The following PPFIA1 variants were observed in gnomAD, a reference collection of about 807,000 sequenced individuals.
PPFIA1 encodes the protein liprin-alpha-1.
Under a neutral mutation model 149.9 loss-of-function variants are expected in PPFIA1, and 25 were observed. That is an observed-to-expected ratio of 0.17 (90% CI 0.12 to 0.23). The LOEUF (loss-of-function observed/expected upper bound fraction) is 0.23. Among genes scored for constraint, PPFIA1 ranks in the 10% least tolerant of loss-of-function variants. The pLI, the probability that PPFIA1 is intolerant of heterozygous loss-of-function variation, is 1.00. For missense variants in PPFIA1, 1,362 were observed against 1,506.5 expected (o/e 0.90, Z 1.59); for synonymous variants, 549 against 552.8 (o/e 0.99, Z 0.10).
intron 26 of PPFIA1, among the ~76,000 whole-genome samples, chr11:70,380,276 C>CA (rs2057655928): frequency 7.5e-6 from 1 of 133,618 alleles, no homozygotes. Context: ...AGTAAAAATA[C>CA]AAAAAAATCG....
intron 2 of PPFIA1, among the ~76,000 whole-genome samples, chr11:70,291,837 A>ATTTT (rs398016576): frequency 2.5e-5 from 3 of 119,636 alleles, no homozygotes; most frequent in Non-Finnish European, 3.3e-5. Context: ...CGCCTGGCTA[A>ATTTT]TTTTTTTTTT....
intron 8 of PPFIA1, among the ~76,000 whole-genome samples, chr11:70,330,715 G>C (rs965673535): frequency 6.6e-6 from 1 of 152,152 alleles, no homozygotes; most frequent in Non-Finnish European, 1.5e-5. Flanking sequence ...CTAACACTTC[G>C]GGAGGCTGAG....
At chr11:70,316,520 T>C (rs2053636870) in intron 2 of PPFIA1, among the ~76,000 whole-genome samples, 1 of 152,206 alleles carries the variant, frequency 6.6e-6, no homozygotes, top group African/African-American at 2.4e-5. Flanking sequence ...GATGTGGAAT[T>C]GTAACATGGC....
At chr11:70,275,102 G>A (rs2050308411) in intron 2 of PPFIA1, among the ~76,000 whole-genome samples, 1 of 152,160 alleles carries the variant, frequency 6.6e-6, no homozygotes, top group South Asian at 2.1e-4. Context: ...TTCAGCACTT[G>A]GTATTGTTGG....
chr11:70,332,400 T>C (rs1226204907), intron 9 of PPFIA1, among the ~76,000 whole-genome samples: 1 of 152,138 alleles, frequency 6.6e-6, no homozygotes, highest in African/African-American at 2.4e-5. Context: ...GAAGTCTCTG[T>C]AAAAGAAGGG....
intron 2 of PPFIA1, among the ~76,000 whole-genome samples, chr11:70,303,873 G>T (rs1002597327): frequency 5.3e-5 from 8 of 152,228 alleles, no homozygotes; most frequent in African/African-American, 1.9e-4. Flanking sequence ...AGGCGTGGTG[G>T]TGTGTGCCTG....
chr11:70,272,863 A>G (rs2050173721), intron 2 of PPFIA1, among the ~76,000 whole-genome samples: 1 of 152,264 alleles, frequency 6.6e-6, no homozygotes, highest in Non-Finnish European at 1.5e-5. Flanking sequence ...TCACGGAAAA[A>G]AAAAATTATT....
chr11:70,272,773 G>A (rs1469496270), intron 2 of PPFIA1, among the ~76,000 whole-genome samples: 2 of 152,108 alleles, frequency 1.3e-5, no homozygotes, highest in Non-Finnish European at 2.9e-5. Flanking sequence ...AGCCTTTTCT[G>A]GCTAAACTTG....
intron 2 of PPFIA1, among the ~76,000 whole-genome samples, chr11:70,317,206 C>T: frequency 6.6e-6 from 1 of 151,940 alleles, no homozygotes; most frequent in African/African-American, 2.4e-5. Context: ...TTAGATTCCT[C>T]TGATGTAATA....
chr11:70,379,568 GAA>G (rs1037082933), intron 26 of PPFIA1, among the ~76,000 whole-genome samples: 2 of 151,500 alleles, frequency 1.3e-5, no homozygotes, highest in Non-Finnish European at 2.9e-5. Context: ...CACTTGAGCT[GAA>G]GTTTGAGACT....
At chr11:70,273,813 G>A (rs2050234802) in intron 2 of PPFIA1, among the ~76,000 whole-genome samples, 1 of 152,152 alleles carries the variant, frequency 6.6e-6, no homozygotes, top group Non-Finnish European at 1.5e-5. Context: ...GCCAATTTAT[G>A]TTTTACCAGG....
At chr11:70,335,242 C>T (rs1037999081) in intron 10 of PPFIA1, among the ~76,000 whole-genome samples, 1 of 152,198 alleles carries the variant, frequency 6.6e-6, no homozygotes, top group East Asian at 1.9e-4. Flanking sequence ...AGCGTGGAGA[C>T]AGGCTCATCC....
intron 2 of PPFIA1, among the ~76,000 whole-genome samples, chr11:70,298,719 C>T (rs1399104403): frequency 3.3e-5 from 5 of 152,186 alleles, no homozygotes; most frequent in African/African-American, 4.8e-5. Context: ...GCCTCCCCAC[C>T]TTAGAGTGCT....
At chr11:70,359,548 C>T (rs979896523) in intron 19 of PPFIA1, among the ~76,000 whole-genome samples, 3 of 152,154 alleles carry the variant, frequency 2.0e-5, no homozygotes, top group Non-Finnish European at 4.4e-5. Context: ...GTCTTGTTCA[C>T]TCTATGCAGG....
At chr11:70,349,890 A>T (rs1345239472) in intron 16 of PPFIA1, 2 of 454,916 alleles carry the variant, frequency 4.4e-6, no homozygotes, top group African/African-American at 4.0e-5. Context: ...ATTGGTTTTG[A>T]TTTCCTGTCA....
intron 2 of PPFIA1, among the ~76,000 whole-genome samples, chr11:70,288,052 G>A (rs1007866854): frequency 6.6e-6 from 1 of 150,592 alleles, no homozygotes; most frequent in South Asian, 2.1e-4. Context: ...CTCCAGCCAT[G>A]CCTCATCTCA....
At chr11:70,346,887 T>A (rs1350981563) in intron 15 of PPFIA1, among the ~76,000 whole-genome samples, 2 of 152,210 alleles carry the variant, frequency 1.3e-5, no homozygotes, top group Non-Finnish European at 2.9e-5. Context: ...CTAGAATAAT[T>A]ATTATTGGCA....
At position 70,384,145 on chromosome 11, in the gene PPFIA1, A is replaced by G. The variant is rs568414322; in HGVS notation, c.*1155A>G. 1.8e-4 allele frequency: 27 copies of G among 152,378 alleles called. No individual in the cohort carries two copies. The highest frequency in any genetic ancestry group is 6.5e-4 in the African/African-American group (27 of 41,586). The allele number at this position is 152,378 out of a possible 1,614,324, so 9.4% of individuals were successfully genotyped here. ...TTAAATGGCATATTAACAAGCCAGC[A>G]AAGTGTGTCAGACCATGGCGTGGTA... On this transcript the variant is annotated 3_prime_UTR_variant, in exon 28 of 28. Transcript: ENST00000253925.
At chr11:70,350,757 A>G (rs1420864436) in intron 16 of PPFIA1, among the ~76,000 whole-genome samples, 1 of 152,220 alleles carries the variant, frequency 6.6e-6, no homozygotes, top group African/African-American at 2.4e-5. Flanking sequence ...AATAAAACAC[A>G]TGAAATAGAA....
Sources: allele counts gnomAD v4.1 joint callset (sites outside exome capture counted in the v4.1 genomes callset), GRCh38; gene constraint gnomAD v4.1.1; transcripts MANE v1.5; gene names NCBI Gene and HGNC (gene_info 2026-07-23, HGNC 2026-07-21).